ZFP62: variants seen among roughly 807,000 people sequenced by gnomAD.
The protein encoded by ZFP62 is ZFP62 zinc finger protein.
A neutral mutation model predicts 56.4 loss-of-function variants in ZFP62; 44 were observed. That is an observed-to-expected ratio of 0.78 (90% confidence interval 0.61 to 1.00). ZFP62 has a LOEUF of 1.00. Among genes scored for constraint, ZFP62 ranks in the 50% least tolerant of loss-of-function variants. ZFP62 has a pLI of 0.00. For missense variants in ZFP62, 1,030 were observed against 1,085.7 expected, an observed-to-expected ratio of 0.95 and a Z score of 0.72; for synonymous variants, 421 against 388.9, an observed-to-expected ratio of 1.08 and a Z score of -0.97.
the ZFP62 span, chr5:180,834,335 T>C: frequency 0.043 from 6,617 of 152,428 alleles, 424 homozygotes; most frequent in African/African-American, 0.14. Flanking sequence ...GGCATGATCA[T>C]AGATCACTGC....
At chr5:180,845,320 C>T (rs1773389998), downstream of ZFP62, among the ~76,000 whole-genome samples, 1 of 93,086 alleles carries the variant, frequency 1.1e-5, no homozygotes, top group Non-Finnish European at 1.9e-5. Flanking sequence ...CAGAACGAGA[C>T]CGTCTTAAAA....
At chr5:180,842,479 T>C in the ZFP62 span, among the ~76,000 whole-genome samples, 2 of 151,906 alleles carry the variant, frequency 1.3e-5, no homozygotes, top group Non-Finnish European at 2.9e-5. Context: ...AAAGAAGCTA[T>C]TTTAAAAAGA....
Position 180,848,208 on chromosome 5 carries a change from A to T in ZFP62, c.*584T>A. The T allele has an allele frequency of 1.0e-6, 1 of 985,468 alleles. No homozygotes were observed. The highest frequency in any genetic ancestry group is 5.2e-4 in the Middle Eastern group (1 of 1,914). 61.0% of individuals were successfully genotyped at this position (985,468 alleles called of 1,614,324 possible). On this transcript the variant is annotated 3_prime_UTR_variant, in exon 2 of 2. Transcript: ENST00000502412. ...TAAGTCTATGCTTTCTACTTTTCCTAAAAGGAAATCCAAATTTTGTTTCAG... is the reference window on the plus strand; with the variant it reads ...TAAGTCTATGCTTTCTACTTTTCCTTAAAGGAAATCCAAATTTTGTTTCAG...
At chr5:180,854,738 A>G (rs1340644021) in intron 1 of ZFP62, among the ~76,000 whole-genome samples, 1 of 152,194 alleles carries the variant, frequency 6.6e-6, no homozygotes, top group East Asian at 1.9e-4. Flanking sequence ...CACCAGGTAA[A>G]CCCAAAACGA....
Position 180,849,875 on chromosome 5 carries a change from T to C in ZFP62, c.1620A>G (p.Lys540=). The change falls in exon 2 of 2, where the codon AAA becomes AAG. Residue 540 remains lysine, a synonymous_variant. Coordinates refer to ENST00000502412, the MANE Select transcript of ZFP62 (RefSeq NM_001172638.2). ...EKPFGCDECG[K]AFRNNSGLKV... ...TAAGGCCAGAATTATTTCTGAAAGC[T>C]TTACCACACTCATCACACCCAAAGG... The C allele has an allele frequency of 6.4e-7, 1 of 1,551,762 alleles. No individual in the cohort carries two copies. The highest frequency in any genetic ancestry group is 8.7e-7 in the Non-Finnish European group (1 of 1,147,018).
At chr5:180,856,532 G>A (rs1480205789) in intron 1 of ZFP62, among the ~76,000 whole-genome samples, 2 of 152,166 alleles carry the variant, frequency 1.3e-5, no homozygotes, top group African/African-American at 2.4e-5. Context: ...TAAGACTATT[G>A]TCTGCATCCT....
chr5:180,861,263 A>G lies in ZFP62; in HGVS notation c.-44T>C, dbSNP rs1427247586. On this transcript the variant is annotated 5_prime_UTR_variant, in exon 1 of 2. Coordinates refer to ENST00000502412, the MANE Select transcript of ZFP62 (RefSeq NM_001172638.2). Reference sequence around the variant, plus strand: ...GGAACCCGGCCGCCAGCGGGACAAAAGCGCGGACCGCACGGCCGGAAGAAC... The same window carrying G: ...GGAACCCGGCCGCCAGCGGGACAAAGGCGCGGACCGCACGGCCGGAAGAAC... 2.5e-6 allele frequency: 1 copy of G among 397,380 alleles called. No individual in the cohort carries two copies. Among genetic ancestry groups the G allele is most frequent in the Non-Finnish European group, 4.4e-6 (1 of 225,330 alleles). The allele number at this position is 397,380 out of a possible 1,614,324, so 24.6% of individuals were successfully genotyped here. A position where few individuals can be genotyped will look rare whatever the true frequency, so the allele number is the denominator to read the frequency against.
downstream of ZFP62, among the ~76,000 whole-genome samples, chr5:180,847,064 G>C (rs184215305): frequency 1.2e-3 from 182 of 152,272 alleles, no homozygotes; most frequent in African/African-American, 4.3e-3. Flanking sequence ...TATACTCCTA[G>C]AAAGAGCATG....
the ZFP62 span, among the ~76,000 whole-genome samples, chr5:180,838,768 T>C: frequency 1.3e-5 from 2 of 152,228 alleles, no homozygotes; most frequent in African/African-American, 2.4e-5. Context: ...GTGAAAAATG[T>C]TGATAATACC....
At chr5:180,832,265 A>C in the ZFP62 span, among the ~76,000 whole-genome samples, 2 of 151,972 alleles carry the variant, frequency 1.3e-5, no homozygotes, top group Non-Finnish European at 2.9e-5. Context: ...TGAACCTTCC[A>C]CCTCAGCCTC....
chr5:180,843,879 C>T (rs965433781), downstream of ZFP62, among the ~76,000 whole-genome samples: 2 of 152,200 alleles, frequency 1.3e-5, no homozygotes, highest in Non-Finnish European at 2.9e-5. Context: ...AAGCAAATCT[C>T]AACACAATTC....
the ZFP62 span, among the ~76,000 whole-genome samples, chr5:180,836,546 T>C: frequency 2.8e-3 from 429 of 152,326 alleles, 2 homozygotes; most frequent in Non-Finnish European, 2.9e-3. Flanking sequence ...CTTAATTTGA[T>C]TACCTTTGTA....
At chr5:180,842,592 T>C in the ZFP62 span, among the ~76,000 whole-genome samples, 813 of 152,296 alleles carry the variant, frequency 5.3e-3, 6 homozygotes, top group African/African-American at 0.019. Context: ...TAGAATTCTA[T>C]TCCCACAAAA....
rs1204129371 is a variant in ZFP62, at chr5:180,849,275, G to A, written c.2220C>T (p.Tyr740=). The A allele has an allele frequency of 2.2e-5, 34 of 1,553,196 alleles. No homozygotes were observed. Among genetic ancestry groups the A allele is most frequent in the Non-Finnish European group, 2.9e-5 (33 of 1,147,908 alleles). The part of the protein sequence containing the change: ...KCVECGKSFS[Y]SSLLSQHKRI... ...TCTTGTGCTGAGAAAGGAGAGAGCT[G>A]TAACTGAAAGATTTCCCACACTCAA... The change falls in exon 2 of 2, where the codon TAC becomes TAT. Residue 740 remains tyrosine (Y), a synonymous_variant. Transcript: ENST00000502412.
At chr5:180,845,564 A>G, downstream of ZFP62, 1 of 299,776 alleles carries the variant, frequency 3.3e-6, no homozygotes, top group Non-Finnish European at 4.9e-6. Context: ...CTAAATGAGA[A>G]TGGCTCCTCA....
the ZFP62 span, among the ~76,000 whole-genome samples, chr5:180,827,180 T>G: frequency 6.6e-6 from 1 of 152,218 alleles, no homozygotes; most frequent in African/African-American, 2.4e-5. Context: ...GGACTAAGCT[T>G]TCTTTTCCAA....
At chr5:180,834,036 C>T in the ZFP62 span, among the ~76,000 whole-genome samples, 3 of 152,100 alleles carry the variant, frequency 2.0e-5, no homozygotes, top group African/African-American at 7.2e-5. Context: ...CTCGTCTGCC[C>T]CCAAAGTTTC....
Position 180,850,061 on chromosome 5 carries a change from C to G in ZFP62, c.1434G>C (p.Lys478Asn). 1.3e-6 allele frequency: 2 copies of G among 1,551,614 alleles called. No individual in the cohort carries two copies. The highest frequency in any genetic ancestry group is 1.7e-6 in the Non-Finnish European group (2 of 1,147,030). ...TATAGGCTTTCCCACACACATCACA[C>G]TTATATGGTTTTTCCCCAGTATGGA... Reference protein sequence around the residue: ...RRLHTGEKPYKCDVCGKAYIS... With the variant: ...RRLHTGEKPYNCDVCGKAYIS... Residue 478 changes from lysine (K) to asparagine (N), a missense_variant, in exon 2 of 2, where the codon AAG becomes AAC. By Grantham distance (94) the Lys-to-Asn change is moderately conservative. Transcript: ENST00000502412.
chr5:180,841,216 T>C, the ZFP62 span, among the ~76,000 whole-genome samples: 1 of 151,590 alleles, frequency 6.6e-6, no homozygotes, highest in Non-Finnish European at 1.5e-5. Context: ...TGAAACAAAA[T>C]GGAAAGCATG....
Sources: allele counts gnomAD v4.1 joint callset (sites outside exome capture counted in the v4.1 genomes callset), GRCh38; gene constraint gnomAD v4.1.1; transcripts MANE v1.5; gene names NCBI Gene and HGNC (gene_info 2026-07-23, HGNC 2026-07-21).